DNAH6: variants seen among roughly 807,000 people sequenced by gnomAD.
DNAH6 encodes axonemal beta dynein heavy chain 6.
A neutral mutation model predicts 491.4 loss-of-function variants in DNAH6; 340 were observed. The ratio of observed to expected loss-of-function variants is 0.69; its 90% CI spans 0.63 to 0.76. The LOEUF (loss-of-function observed/expected upper bound fraction) is 0.76, where lower values mean the gene tolerates loss of function less well. Ranked by LOEUF, DNAH6 falls within the 30% of genes least tolerant of loss-of-function variation. The pLI is 0.00. For missense variants in DNAH6, 4,443 were observed against 4,972.2 expected, an observed-to-expected ratio of 0.89 and a Z score of 3.20; for synonymous variants, 1,603 against 1,686.1, an observed-to-expected ratio of 0.95 and a Z score of 1.21.
chr2:84,657,019 G>A (rs748134077), intron 35 of DNAH6, among the ~76,000 whole-genome samples: 10 of 152,002 alleles, frequency 6.6e-5, no homozygotes, highest in Non-Finnish European at 1.2e-4. Context: ...AGGGTATAAG[G>A]TCTGTGTCTA....
At chr2:84,510,156 A>G in the DNAH6 span, among the ~76,000 whole-genome samples, 2 of 152,196 alleles carry the variant, frequency 1.3e-5, no homozygotes, top group Non-Finnish European at 2.9e-5. Flanking sequence ...CCTGGATAAT[A>G]TCCTGCAGAG....
chr2:84,589,022 T>A (rs1156981838), intron 16 of DNAH6, 68 bp downstream of exon 16: 4 of 1,347,980 alleles, frequency 3.0e-6, no homozygotes, highest in Non-Finnish European at 4.0e-6. Context: ...GCACAAGGAC[T>A]TCAATAATGT....
intron 64 of DNAH6, among the ~76,000 whole-genome samples, chr2:84,766,877 C>T (rs1012963982): frequency 2.6e-5 from 4 of 152,086 alleles, no homozygotes; most frequent in Non-Finnish European, 5.9e-5. Flanking sequence ...AACCCCCTTA[C>T]TTTAGGTTTG....
chr2:84,691,692 C>G (rs1375810486), intron 45 of DNAH6, among the ~76,000 whole-genome samples: 1 of 143,008 alleles, frequency 7.0e-6, no homozygotes, highest in Non-Finnish European at 1.5e-5. Context: ...AATGAATGAG[C>G]TTGGGTATGT....
intron 37 of DNAH6, among the ~76,000 whole-genome samples, chr2:84,665,215 A>G (rs1482131841): frequency 6.6e-6 from 1 of 152,202 alleles, no homozygotes; most frequent in Admixed American, 6.5e-5. Flanking sequence ...AAACACATTC[A>G]AAAGCTAGCA....
the DNAH6 span, among the ~76,000 whole-genome samples, chr2:84,493,020 ATACTACATGTATATATAT>A: frequency 2.0e-4 from 31 of 152,152 alleles, no homozygotes; most frequent in Admixed American, 1.9e-3. Flanking sequence ...ATTTTTCTAT[ATACTACATGTATATATAT>A]TTACTATAGC....
intron 11 of DNAH6, among the ~76,000 whole-genome samples, chr2:84,568,782 C>T (rs1681481787): frequency 1.3e-5 from 2 of 151,956 alleles, no homozygotes; most frequent in African/African-American, 4.8e-5. Flanking sequence ...ATTCACCAAA[C>T]ATAGCATCTA....
At chr2:84,508,393 T>C in the DNAH6 span, among the ~76,000 whole-genome samples, 2 of 152,246 alleles carry the variant, frequency 1.3e-5, no homozygotes, top group Non-Finnish European at 2.9e-5. Context: ...AGTTTGTATA[T>C]CTGTGGGATT....
intron 18 of DNAH6, among the ~76,000 whole-genome samples, chr2:84,599,636 A>G (rs970596535): frequency 7.2e-5 from 11 of 152,104 alleles, no homozygotes; most frequent in Admixed American, 7.2e-4. Flanking sequence ...ACTCTTCTCC[A>G]TTGACTCACC....
At chr2:84,682,413 G>A (rs565828928) in intron 42 of DNAH6, among the ~76,000 whole-genome samples, 43 of 152,064 alleles carry the variant, frequency 2.8e-4, no homozygotes, top group Non-Finnish European at 5.7e-4. Context: ...TTAGATCTAC[G>A]CACATATTCC....
chr2:84,531,048 T>G (rs2365448), intron 4 of DNAH6, among the ~76,000 whole-genome samples: 168 of 152,224 alleles, frequency 1.1e-3, no homozygotes, highest in Non-Finnish European at 1.7e-3. Context: ...AATTAATATG[T>G]GTAAGATGTA....
Position 84,771,535 on chromosome 2 carries a change from C to T in DNAH6, c.10703+8590C>T, listed in dbSNP as rs187539666. On this transcript the variant is annotated intron_variant, in intron 64 of 76. Transcript: ENST00000389394. ...TATACCAAGACATGCTATAATCAAA[C>T]TATCAAAAGACCAGACAAAGAAATA... Among the ~76,000 whole-genome samples the T allele has an allele frequency of 2.6e-5, 4 of 152,226 alleles. No homozygotes were observed. In the East Asian group the frequency reaches 5.8e-4, roughly 22 times the overall value.
intron 42 of DNAH6, among the ~76,000 whole-genome samples, chr2:84,683,708 C>T (rs1459530716): frequency 6.6e-6 from 1 of 152,078 alleles, no homozygotes. Flanking sequence ...CAGGTGTGAG[C>T]CACTGCGCCC....
intron 21 of DNAH6, among the ~76,000 whole-genome samples, chr2:84,608,255 G>A (rs1685970449): frequency 1.4e-4 from 1 of 7,004 alleles, no homozygotes; most frequent in South Asian, 7.5e-3. Context: ...CATCTATAAG[G>A]GTTGGAGTCA....
intron 58 of DNAH6, 84 bp downstream of exon 58, chr2:84,715,711 T>A: frequency 7.6e-7 from 1 of 1,324,356 alleles, no homozygotes; most frequent in Non-Finnish European, 1.1e-6. Context: ...ACAAAGACAA[T>A]GTTCTGCTGT....
At chr2:84,747,091 G>A (rs1468184398) in intron 63 of DNAH6, among the ~76,000 whole-genome samples, 1 of 152,124 alleles carries the variant, frequency 6.6e-6, no homozygotes, top group East Asian at 1.9e-4. Context: ...AGATTTGGAG[G>A]GGACAAACAT....
At chr2:84,761,508 G>A (rs1231428259) in intron 63 of DNAH6, among the ~76,000 whole-genome samples, 1 of 152,014 alleles carries the variant, frequency 6.6e-6, no homozygotes, top group African/African-American at 2.4e-5. Flanking sequence ...AAAATATAAA[G>A]AAATTGATGC....
chr2:84,578,405 A>C (rs1236521193), intron 13 of DNAH6, among the ~76,000 whole-genome samples: 1 of 152,208 alleles, frequency 6.6e-6, no homozygotes, highest in Non-Finnish European at 1.5e-5. Flanking sequence ...AACTGAACTC[A>C]AGCTGGCTTA....
intron 31 of DNAH6, among the ~76,000 whole-genome samples, chr2:84,639,681 A>T (rs762241685): frequency 5.0e-4 from 76 of 152,030 alleles, no homozygotes; most frequent in Non-Finnish European, 9.1e-4. Flanking sequence ...CGATCTCCCA[A>T]AGTGCTGGGA....
Sources: gnomAD v4.1 joint callset for allele counts (sites outside exome capture counted in the v4.1 genomes callset) on GRCh38, gnomAD v4.1.1 for gene constraint, MANE v1.5 for transcripts, NCBI Gene and HGNC (gene_info 2026-07-23, HGNC 2026-07-21) for gene names.